TBC1D8B: variants seen among roughly 807,000 people sequenced by gnomAD.
TBC1D8B encodes the protein TBC1 domain family member 8B.
In TBC1D8B, 75 loss-of-function variants were observed where a neutral mutation model predicts 82.9. That is an observed-to-expected ratio of 0.90 (90% CI 0.75 to 1.10). The LOEUF is 1.10. Ranked by LOEUF, TBC1D8B falls within the 50% of genes least tolerant of loss-of-function variation. The pLI, the probability that TBC1D8B is intolerant of heterozygous loss-of-function variation, is 0.00. For synonymous variants in TBC1D8B, 276 were observed against 276.8 expected, an observed-to-expected ratio of 1.00 and a Z score of 0.03; for missense variants, 794 against 796.9, an observed-to-expected ratio of 1.00 and a Z score of 0.04.
intron 1 of TBC1D8B, among the ~76,000 whole-genome samples, chrX:106,817,018 C>T (rs1367956779): frequency 9.0e-6 from 1 of 111,111 alleles, no homozygotes; most frequent in East Asian, 2.8e-4. Context: ...GGAAGAGAGC[C>T]AAAAGCCTGG....
At chrX:106,813,274 G>A (rs1311130490) in intron 1 of TBC1D8B, among the ~76,000 whole-genome samples, 2 of 111,973 alleles carry the variant, frequency 1.8e-5, no homozygotes, top group Non-Finnish European at 3.8e-5. Flanking sequence ...CCAGAAATTG[G>A]TACATATTAA....
Position 106,802,692 on chromosome X carries a change from T to C in TBC1D8B, c.-162T>C. 3 of 680,530 alleles carry C rather than the reference T, an allele frequency of 4.4e-6. No homozygotes were observed. In the South Asian group the frequency reaches 8.7e-5, roughly 20 times the overall value. 56.1% of individuals were successfully genotyped at this position (680,530 alleles called of 1,213,427 possible). ...GGAATTGGCAATCTCTCTGCCTACG[T>C]GGGAGAGAAGGGAGGGTTGGGGGAA... On this transcript the variant is annotated 5_prime_UTR_variant, in exon 1 of 21. Transcript: ENST00000357242.
intron 7 of TBC1D8B, chrX:106,830,191 A>T (rs1372957317): frequency 8.9e-6 from 1 of 112,589 alleles, no homozygotes; most frequent in African/African-American, 3.2e-5. Flanking sequence ...AACACATGAA[A>T]AAATGCTCAC....
At chrX:106,836,280 A>G (rs1932174086) in intron 7 of TBC1D8B, among the ~76,000 whole-genome samples, 1 of 111,508 alleles carries the variant, frequency 9.0e-6, no homozygotes, top group African/African-American at 3.3e-5. Flanking sequence ...CTCACTCACT[A>G]TCATGAGAAC....
chrX:106,826,258 T>C (rs374638274), intron 6 of TBC1D8B, 21 bp downstream of exon 6: 1 of 1,167,469 alleles, frequency 8.6e-7, no homozygotes, highest in African/African-American at 1.8e-5. Flanking sequence ...TTTGGTTACA[T>C]ATCAGTTTTT....
chrX:106,818,825 C>T (rs1931617202), intron 2 of TBC1D8B, 52 bp downstream of exon 2: 1 of 943,088 alleles, frequency 1.1e-6, no homozygotes, highest in East Asian at 3.1e-5. Flanking sequence ...TACTACAAAG[C>T]TGAGTATTCA....
intron 9 of TBC1D8B, 74 bp from the exon 10 acceptor site, chrX:106,840,596 A>G (rs1932280573): frequency 1.1e-6 from 1 of 942,916 alleles, no homozygotes; most frequent in Admixed American, 2.5e-5. Flanking sequence ...ATGAAATCCA[A>G]TTATTTATGT....
In TBC1D8B at chrX:106,818,711, T is replaced by C; in HGVS notation, c.179T>C (p.Val60Ala). The C allele has an allele frequency of 8.3e-7, 1 of 1,209,241 alleles. No individual in the cohort carries two copies. Among genetic ancestry groups the C allele is most frequent in the Non-Finnish European group, 1.1e-6 (1 of 893,965 alleles). Residue 60 changes from valine to alanine, a missense_variant, in exon 2 of 21, where the codon GTA becomes GCA. By Grantham distance (64) the Val-to-Ala change is moderately conservative. Transcript: ENST00000357242. ...TCAGTCTTGGACTCTACTGCTAAAG[T>C]AGCTCCATTTCGCATCCTACACCAG... ...LDSVLDSTAK[V>A]APFRILHQTP...
intron 7 of TBC1D8B, among the ~76,000 whole-genome samples, chrX:106,834,737 C>G (rs779594485): frequency 8.9e-6 from 1 of 111,916 alleles, no homozygotes; most frequent in African/African-American, 3.2e-5. Context: ...GGCTACAGGC[C>G]CCATACAAGT....
chrX:106,820,999 A>G lies in TBC1D8B; in HGVS notation c.360+4A>G. On this transcript the variant is annotated splice_donor_region_variant and intron_variant, in intron 3 of 20. Coordinates refer to ENST00000357242, the MANE Select transcript of TBC1D8B (RefSeq NM_017752.3). Reference sequence around the variant, plus strand: ...TTTTGTACAAGGAAAAATAAGAGTAAGTGGCACGGATATATCTTGTAGATG... The same window carrying G: ...TTTTGTACAAGGAAAAATAAGAGTAGGTGGCACGGATATATCTTGTAGATG... The G allele has an allele frequency of 2.8e-6, 3 of 1,067,173 alleles. No individual in the cohort carries two copies. The highest frequency in any genetic ancestry group is 3.8e-6 in the Non-Finnish European group (3 of 782,237). The allele number at this position is 1,067,173 out of a possible 1,213,427, so 87.9% of individuals were successfully genotyped here.
chrX:106,824,788 A>G (rs1246570683), intron 5 of TBC1D8B, among the ~76,000 whole-genome samples: 1 of 111,522 alleles, frequency 9.0e-6, no homozygotes, highest in Non-Finnish European at 1.9e-5. Context: ...TTTTTCTAGT[A>G]AGTTAAAAAG....
At chrX:106,823,173 A>G in intron 4 of TBC1D8B, 53 bp from the exon 5 acceptor site, 2 of 1,119,568 alleles carry the variant, frequency 1.8e-6, no homozygotes, top group Non-Finnish European at 2.4e-6. Context: ...TGATTAATAA[A>G]CATAAATCAC....
chrX:106,830,809 G>A (rs1308618417), intron 7 of TBC1D8B, among the ~76,000 whole-genome samples: 1 of 71,965 alleles, frequency 1.4e-5, no homozygotes, highest in Non-Finnish European at 2.5e-5. Flanking sequence ...GTGGGGGGAG[G>A]GGGGAGGGAT....
At chrX:106,804,942 G>T (rs1931139899) in intron 1 of TBC1D8B, among the ~76,000 whole-genome samples, 1 of 110,379 alleles carries the variant, frequency 9.1e-6, no homozygotes, top group South Asian at 3.8e-4. Context: ...ACAGCCTCAG[G>T]AATAGTCTTA....
chrX:106,812,303 A>G (rs1202028554), intron 1 of TBC1D8B, among the ~76,000 whole-genome samples: 1 of 111,942 alleles, frequency 8.9e-6, no homozygotes, highest in African/African-American at 3.2e-5. Context: ...TTTACTAATT[A>G]GTTTGTTTAT....
At chrX:106,803,103 G>C (rs930367809) in intron 1 of TBC1D8B, 120 bp downstream of exon 1, 10 of 866,341 alleles carry the variant, frequency 1.2e-5, no homozygotes, top group Non-Finnish European at 1.2e-5. Context: ...CGGAGGGACT[G>C]GGGTTCTTCT....
At chrX:106,831,072 A>G (rs1162116010) in intron 7 of TBC1D8B, among the ~76,000 whole-genome samples, 1 of 111,071 alleles carries the variant, frequency 9.0e-6, no homozygotes, top group Non-Finnish European at 1.9e-5. Context: ...TTCTTTTACA[A>G]TGTCCAGGAA....
At chrX:106,842,329 A>T (rs1271898580) in intron 10 of TBC1D8B, among the ~76,000 whole-genome samples, 1 of 110,887 alleles carries the variant, frequency 9.0e-6, no homozygotes, top group Non-Finnish European at 1.9e-5. Flanking sequence ...CTTAATATTG[A>T]CTTCTAAAAG....
chrX:106,838,398 C>A (rs1932227506), intron 7 of TBC1D8B, among the ~76,000 whole-genome samples: 1 of 111,319 alleles, frequency 9.0e-6, no homozygotes, highest in African/African-American at 3.3e-5. Flanking sequence ...AATATTCTAC[C>A]TTTTTCTCAA....
Sources: allele counts gnomAD v4.1 joint callset (sites outside exome capture counted in the v4.1 genomes callset), GRCh38; gene constraint gnomAD v4.1.1; transcripts MANE v1.5; gene names NCBI Gene and HGNC (gene_info 2026-07-23, HGNC 2026-07-21).